Variants in NPTN observed in about 807,000 individuals in gnomAD.
NPTN encodes the protein SDR-1.
A neutral mutation model predicts 42.7 loss-of-function variants in NPTN; 5 were observed. That is an observed-to-expected ratio of 0.12 (90% CI 0.06 to 0.25). The LOEUF is 0.25. NPTN is among the 10% of genes least tolerant of loss of function. NPTN has a pLI of 1.00. For missense variants in NPTN, 307 were observed against 525.4 expected, an observed-to-expected ratio of 0.58 and a Z score of 4.06; for synonymous variants, 180 against 201.9, an observed-to-expected ratio of 0.89 and a Z score of 0.92.
At chr15:73,605,102 G>A (rs373640236) in intron 1 of NPTN, among the ~76,000 whole-genome samples, 23 of 138,958 alleles carry the variant, frequency 1.7e-4, no homozygotes, top group Admixed American at 1.2e-3. Flanking sequence ...TGTCTCAAGG[G>A]GGGGGGGGGA....
intron 1 of NPTN, among the ~76,000 whole-genome samples, chr15:73,627,819 CTT>C (rs1035613753): frequency 5.3e-5 from 8 of 152,106 alleles, no homozygotes; most frequent in Admixed American, 3.9e-4. Context: ...TGTATTCACT[CTT>C]TTAAATTTAG....
intron 1 of NPTN, among the ~76,000 whole-genome samples, chr15:73,626,957 G>A (rs370258609): frequency 1.3e-4 from 20 of 152,090 alleles, no homozygotes; most frequent in South Asian, 2.1e-4. Context: ...TATTTCAGCC[G>A]GGCACAGTGG....
chr15:73,627,108 G>A (rs1312508781), intron 1 of NPTN, among the ~76,000 whole-genome samples: 4 of 152,110 alleles, frequency 2.6e-5, no homozygotes, highest in African/African-American at 4.8e-5. Flanking sequence ...GGTGGCTGGC[G>A]CCTGTAATCC....
At chr15:73,598,091 T>C (rs1896909744) in intron 1 of NPTN, among the ~76,000 whole-genome samples, 1 of 152,176 alleles carries the variant, frequency 6.6e-6, no homozygotes, top group South Asian at 2.1e-4. Context: ...CAAGACAGTC[T>C]GTACTTCACA....
At chr15:73,619,309 T>C (rs1898014747) in intron 1 of NPTN, among the ~76,000 whole-genome samples, 1 of 152,192 alleles carries the variant, frequency 6.6e-6, no homozygotes, top group African/African-American at 2.4e-5. Flanking sequence ...CAGCAAGCTA[T>C]GTACGTCTCT....
intron 1 of NPTN, among the ~76,000 whole-genome samples, chr15:73,622,829 T>C (rs989097308): frequency 1.4e-4 from 21 of 152,302 alleles, no homozygotes; most frequent in African/African-American, 5.1e-4. Context: ...TCTTCCAGGG[T>C]TGCCATATTA....
At chr15:73,568,156 G>A in intron 6 of NPTN, 2 of 985,378 alleles carry the variant, frequency 2.0e-6, no homozygotes, top group Non-Finnish European at 2.4e-6. Flanking sequence ...TTATCCAACA[G>A]AACAATCCTA....
At chr15:73,593,831 C>A (rs1896708933) in intron 2 of NPTN, among the ~76,000 whole-genome samples, 1 of 152,136 alleles carries the variant, frequency 6.6e-6, no homozygotes, top group East Asian at 1.9e-4. Flanking sequence ...TCTCTATGTA[C>A]AGATAATGGA....
At chr15:73,580,568 G>A (rs181144060) in intron 4 of NPTN, among the ~76,000 whole-genome samples, 1 of 131,390 alleles carries the variant, frequency 7.6e-6, no homozygotes, top group African/African-American at 2.9e-5. Context: ...GTATATACAT[G>A]TTATATATGT....
rs771981201 is a variant in NPTN, at chr15:73,560,262, CAAAAG to C, written c.*796_*800del. 121 of 164,712 alleles carry C rather than the reference CAAAAG, an allele frequency of 7.3e-4. No homozygotes were observed. Among genetic ancestry groups the C allele is most frequent in the Non-Finnish European group, 1.2e-3 (92 of 76,604 alleles). The allele number at this position is 164,712 out of a possible 1,614,324, so 10.2% of individuals were successfully genotyped here. A position where few individuals can be genotyped will look rare whatever the true frequency, so the allele number is the denominator to read the frequency against. Reference sequence around the variant, plus strand: ...TATAACATTTCAAGGTCATTGGAAACAAAAGAAAAATTATAAAAGTTTGCCTTGAT... The same window carrying C: ...TATAACATTTCAAGGTCATTGGAAACAAAAATTATAAAAGTTTGCCTTGAT... On this transcript the variant is annotated 3_prime_UTR_variant, in exon 9 of 9. Coordinates refer to ENST00000345330, the MANE Select transcript of NPTN (RefSeq NM_012428.4).
intron 1 of NPTN, among the ~76,000 whole-genome samples, chr15:73,617,801 ATTC>A (rs1207008206): frequency 6.6e-6 from 1 of 152,232 alleles, no homozygotes; most frequent in African/African-American, 2.4e-5. Flanking sequence ...AGGAAAGCTC[ATTC>A]TTCTGATAAC....
intron 1 of NPTN, among the ~76,000 whole-genome samples, chr15:73,599,262 C>T (rs1255687684): frequency 2.0e-5 from 3 of 152,250 alleles, no homozygotes; most frequent in East Asian, 1.9e-4. Flanking sequence ...AGCCATGTCT[C>T]GGTCTCACAA....
intron 6 of NPTN, chr15:73,568,393 C>T: frequency 1.0e-6 from 1 of 985,390 alleles, no homozygotes. Context: ...AAAAGGCAGG[C>T]TGAGGAAGGT....
chr15:73,593,541 G>A (rs1896693943), intron 2 of NPTN, among the ~76,000 whole-genome samples: 1 of 152,120 alleles, frequency 6.6e-6, no homozygotes, highest in East Asian at 1.9e-4. Context: ...TTAACGTGAG[G>A]AAAGAACTCT....
chr15:73,568,747 G>A (rs1452630647), intron 6 of NPTN: 8 of 985,322 alleles, frequency 8.1e-6, no homozygotes, highest in African/African-American at 5.2e-5. Context: ...TCCTTCCCAC[G>A]CCTCTGCCCA....
At chr15:73,582,260 C>T (rs546252204) in intron 4 of NPTN, among the ~76,000 whole-genome samples, 4 of 152,324 alleles carry the variant, frequency 2.6e-5, no homozygotes, top group South Asian at 2.1e-4. Flanking sequence ...TCTGCATTTA[C>T]GGTCTATTTG....
chr15:73,601,670 A>C (rs1897089569), intron 1 of NPTN, among the ~76,000 whole-genome samples: 1 of 152,240 alleles, frequency 6.6e-6, no homozygotes, highest in Non-Finnish European at 1.5e-5. Flanking sequence ...ATTTTGTAAG[A>C]CAACCTCCTA....
intron 1 of NPTN, among the ~76,000 whole-genome samples, chr15:73,610,084 C>CTT (rs879423213): frequency 2.0e-4 from 30 of 149,468 alleles, no homozygotes; most frequent in African/African-American, 6.9e-4. Context: ...CTACTTTTTA[C>CTT]TTTTTTTTTT....
intron 1 of NPTN, among the ~76,000 whole-genome samples, chr15:73,613,314 T>C (rs1046374930): frequency 6.6e-5 from 10 of 152,206 alleles, no homozygotes; most frequent in South Asian, 6.2e-4. Flanking sequence ...ATTAAAATTA[T>C]AAATCTTCCA....
Sources: allele counts gnomAD v4.1 joint callset (sites outside exome capture counted in the v4.1 genomes callset), GRCh38; gene constraint gnomAD v4.1.1; transcripts MANE v1.5; gene names NCBI Gene and HGNC (gene_info 2026-07-23, HGNC 2026-07-21).